The following MEX3C variants were observed in gnomAD, a reference collection of about 807,000 sequenced individuals.
MEX3C encodes the protein mex-3 RNA binding family member C.
Under a neutral mutation model 35.5 loss-of-function variants are expected in MEX3C, and 15 were observed. The observed-to-expected ratio is 0.42, with a 90% CI of 0.28 to 0.65. The LOEUF (loss-of-function observed/expected upper bound fraction) is 0.65. Among genes scored for constraint, MEX3C ranks in the 30% least tolerant of loss-of-function variants. The pLI is 0.20. For missense variants in MEX3C, 711 were observed against 842.8 expected, an observed-to-expected ratio of 0.84 and a Z score of 1.94; for synonymous variants, 390 against 352.8, an observed-to-expected ratio of 1.11 and a Z score of -1.18.
chr18:51,176,086 TCAG>T lies in MEX3C; in HGVS notation c.*262_*264del. ...TATCTTCACTCAGCCAAGTTGAACTTCAGCTTTAGCAATTCTTATATAAACTAT... is the reference window on the plus strand; with the variant it reads ...TATCTTCACTCAGCCAAGTTGAACTTCTTTAGCAATTCTTATATAAACTAT... On this transcript the variant is annotated 3_prime_UTR_variant, in exon 2 of 2. Transcript: ENST00000406189. 3.1e-6 allele frequency: 1 copy of T among 319,012 alleles called. No homozygotes were observed. Among genetic ancestry groups the T allele is most frequent in the East Asian group, 5.3e-5 (1 of 18,824 alleles). 19.8% of individuals were successfully genotyped at this position (319,012 alleles called of 1,614,324 possible).
In MEX3C at chr18:51,196,589, G is replaced by T. The variant is rs758089078; in HGVS notation, c.732C>A (p.Val244=). The change falls in exon 1 of 2, where the codon GTC becomes GTA. Residue 244 remains valine (V), a synonymous_variant. Coordinates refer to ENST00000406189, the MANE Select transcript of MEX3C (RefSeq NM_016626.5). ...ECVPVPSSEH[V]AEIVGRQGCK... Reference sequence around the variant, plus strand: ...CACCCTGGCGGCCGACGATCTCGGCGACGTGCTCGGAGCTGGGCACCGGGA... The same window carrying T: ...CACCCTGGCGGCCGACGATCTCGGCTACGTGCTCGGAGCTGGGCACCGGGA... 3 of 1,591,848 alleles carry T rather than the reference G, an allele frequency of 1.9e-6. No homozygotes were observed. The highest frequency in any genetic ancestry group is 2.6e-6 in the Non-Finnish European group (3 of 1,174,730).
chr18:51,178,064 G>T (rs939622480), intron 1 of MEX3C, among the ~76,000 whole-genome samples: 4 of 152,108 alleles, frequency 2.6e-5, no homozygotes, highest in African/African-American at 9.7e-5. Flanking sequence ...CAAAAAAGAT[G>T]AGTATCTTAA....
At position 51,197,278 on chromosome 18, in the gene MEX3C, G is replaced by GC; in HGVS notation, c.42_43insG (p.Pro15AlafsTer240). The stretch of plus-strand genomic sequence containing the variant: ...GGGGGCGGCTGCGGCAGGGGGGCCG[G>GC]GGCCGCCGCCAGGGCCAGGGCCGCG... On this transcript the variant is annotated frameshift_variant, in exon 1 of 2. Coordinates refer to ENST00000406189, the MANE Select transcript of MEX3C (RefSeq NM_016626.5). LOFTEE classifies it high-confidence loss of function. The GC allele has an allele frequency of 1.2e-6, 1 of 819,516 alleles. No individual in the cohort carries two copies. The highest frequency in any genetic ancestry group is 1.5e-6 in the Non-Finnish European group (1 of 681,508). The allele number at this position is 819,516 out of a possible 1,614,324, so 50.8% of individuals were successfully genotyped here.
At chr18:51,181,663 A>G (rs984455451) in intron 1 of MEX3C, among the ~76,000 whole-genome samples, 1 of 152,230 alleles carries the variant, frequency 6.6e-6, no homozygotes, top group Non-Finnish European at 1.5e-5. Flanking sequence ...AGTGCAAAAT[A>G]ACTTCTGTAT....
At chr18:51,183,911 G>T (rs1242025951) in intron 1 of MEX3C, among the ~76,000 whole-genome samples, 1 of 152,168 alleles carries the variant, frequency 6.6e-6, no homozygotes, top group Admixed American at 6.5e-5. Context: ...ATAAGGTGAA[G>T]AATTGCTTGT....
In MEX3C at chr18:51,197,639, C is replaced by T. The variant is rs1423127884; in HGVS notation, c.-319G>A. The stretch of plus-strand genomic sequence containing the variant: ...TTTCATGGCCTTAACCAGCCCCCGG[C>T]GCGCGCGGCGGCGGCGGCTACGCCC... On this transcript the variant is annotated 5_prime_UTR_variant, in exon 1 of 2. Transcript: ENST00000406189. Among the ~76,000 whole-genome samples the T allele has an allele frequency of 6.6e-6, 1 of 151,620 alleles. No homozygotes were observed. Among genetic ancestry groups the T allele is most frequent in the South Asian group, 2.1e-4 (1 of 4,796 alleles).
chr18:51,181,165 T>A (rs375401914), intron 1 of MEX3C, among the ~76,000 whole-genome samples: 4 of 152,282 alleles, frequency 2.6e-5, no homozygotes, highest in African/African-American at 9.6e-5. Flanking sequence ...TGAAATAAAA[T>A]TCAGAAGCCG....
intron 1 of MEX3C, chr18:51,196,249 T>C: frequency 2.2e-6 from 1 of 448,010 alleles, no homozygotes; most frequent in East Asian, 4.9e-5. Flanking sequence ...GAGCCCGACC[T>C]TTTACCACCT....
intron 1 of MEX3C, among the ~76,000 whole-genome samples, chr18:51,185,171 G>A (rs2144552898): frequency 6.6e-6 from 1 of 152,338 alleles, no homozygotes; most frequent in South Asian, 2.1e-4. Context: ...AGAAGCTTGA[G>A]GGATCCAGTT....
At chr18:51,186,018 G>A (rs529453283) in intron 1 of MEX3C, among the ~76,000 whole-genome samples, 7 of 152,298 alleles carry the variant, frequency 4.6e-5, no homozygotes, top group Admixed American at 1.3e-4. Flanking sequence ...GGTTTGGTAC[G>A]TGATACACAG....
rs1234759921 is a variant in MEX3C, at chr18:51,197,002, C to G, written c.319G>C (p.Glu107Gln). Residue 107 changes from glutamate (E) to glutamine (Q), a missense_variant, in exon 1 of 2, where the codon GAG (glutamate) becomes CAG (glutamine). Transcript: ENST00000406189. ...RPGAPEAAELELEEDEEEGEE... is the reference protein window; with the variant it reads ...RPGAPEAAELQLEEDEEEGEE... ...CCCTCCTCCTCGTCCTCTTCCAGCT[C>G]CAGCTCGGCCGCCTCCGGGGCCCCG... 2 of 1,529,632 alleles carry G rather than the reference C, an allele frequency of 1.3e-6. No homozygotes were observed. The highest frequency in any genetic ancestry group is 2.6e-5 in the East Asian group (1 of 38,552). 94.8% of individuals were successfully genotyped at this position (1,529,632 alleles called of 1,614,324 possible). A position where few individuals can be genotyped will look rare whatever the true frequency, so the allele number is the denominator to read the frequency against.
rs148204828 is a variant in MEX3C at position 51,191,254 on chromosome 18, A to G, written c.754+5313T>C. The stretch of plus-strand genomic sequence containing the variant: ...GCCTTTTGAAGTTAGGTGTGGCCAG[A>G]TGATTTGCTTTAATGAAATATGAGC... On this transcript the variant is annotated intron_variant, in intron 1 of 1. Coordinates refer to ENST00000406189, the MANE Select transcript of MEX3C (RefSeq NM_016626.5). Among the ~76,000 whole-genome samples the G allele has an allele frequency of 1.4e-4, 21 of 152,268 alleles. No homozygotes were observed. The East Asian group carries it at 3.7e-3, about 27-fold the overall frequency.
Position 51,175,373 on chromosome 18 carries a change from T to C in MEX3C, c.*978A>G, listed in dbSNP as rs1247407361. 1.3e-5 allele frequency: 2 copies of C among 152,650 alleles called. No individual in the cohort carries two copies. Among genetic ancestry groups the C allele is most frequent in the African/African-American group, 2.4e-5 (1 of 41,456 alleles). 9.5% of individuals were successfully genotyped at this position (152,650 alleles called of 1,614,324 possible). On this transcript the variant is annotated 3_prime_UTR_variant, in exon 2 of 2. Coordinates refer to ENST00000406189, the MANE Select transcript of MEX3C (RefSeq NM_016626.5). ...ATAGTTTTGAAATGAAGTAAACTGA[T>C]TGGAGGTTGTCACAGCTGCTTTTGT...
rs1478986695 is a variant in MEX3C at position 51,178,874 on chromosome 18, C to A, written c.755-1298G>T. On this transcript the variant is annotated intron_variant, in intron 1 of 1. Transcript: ENST00000406189. ...AAACTCCATCTCAAAAAAAAAAAAA[C>A]CAAACAAACAAACAAAAAAAGAAGC... 4.0e-5 allele frequency among the ~76,000 whole-genome samples: 6 copies of A among 149,360 alleles called. No individual in the cohort carries two copies. The East Asian group carries it at 6.0e-4, about 15-fold the overall frequency.
Position 51,175,124 on chromosome 18 carries a change from A to G in MEX3C, c.*1227T>C, listed in dbSNP as rs1254695607. ...AAAAAATAAAATTTGTCTATTTACT[A>G]TTGAATACACATAGGATTTCAATTT... is the stretch of plus-strand genomic sequence containing the variant. On this transcript the variant is annotated 3_prime_UTR_variant, in exon 2 of 2. Transcript: ENST00000406189. 6.6e-6 allele frequency: 1 copy of G among 152,652 alleles called. No individual in the cohort carries two copies. Among genetic ancestry groups the G allele is most frequent in the Non-Finnish European group, 1.5e-5 (1 of 68,040 alleles). 9.5% of individuals were successfully genotyped at this position (152,652 alleles called of 1,614,324 possible).
intron 1 of MEX3C, among the ~76,000 whole-genome samples, chr18:51,188,612 T>A (rs1265631880): frequency 2.1e-5 from 3 of 141,016 alleles, no homozygotes; most frequent in African/African-American, 8.0e-5. Flanking sequence ...AAAAAAAAAA[T>A]TAAAAAAAAT....
At chr18:51,183,676 G>A (rs1205075263) in intron 1 of MEX3C, among the ~76,000 whole-genome samples, 1 of 152,164 alleles carries the variant, frequency 6.6e-6, no homozygotes, top group East Asian at 1.9e-4. Context: ...CTAATCATAA[G>A]TTTTTTAAAA....
intron 1 of MEX3C, chr18:51,195,932 G>C (rs1178961939): frequency 6.5e-6 from 1 of 153,324 alleles, no homozygotes; most frequent in Admixed American, 6.5e-5. Context: ...CAGCCAGTGT[G>C]TCAGTGTGTC....
intron 1 of MEX3C, among the ~76,000 whole-genome samples, chr18:51,178,577 AAAG>A (rs1459032198): frequency 6.6e-6 from 1 of 152,116 alleles, no homozygotes; most frequent in African/African-American, 2.4e-5. Flanking sequence ...TTGTCAAAAT[AAAG>A]AAGCTAGGTG....
Sources: gnomAD v4.1 joint callset for allele counts (sites outside exome capture counted in the v4.1 genomes callset) on GRCh38, gnomAD v4.1.1 for gene constraint, MANE v1.5 for transcripts, NCBI Gene and HGNC (gene_info 2026-07-23, HGNC 2026-07-21) for gene names.